The following TTC39B variants were observed in gnomAD, a reference collection of about 807,000 sequenced individuals.
TTC39B encodes the protein tetratricopeptide repeat domain 39B.
Under a neutral mutation model 96.6 loss-of-function variants are expected in TTC39B, and 92 were observed. The observed-to-expected ratio is 0.95, with a 90% confidence interval of 0.80 to 1.13. The LOEUF (loss-of-function observed/expected upper bound fraction) is 1.13, where lower values mean the gene tolerates loss of function less well. TTC39B is among the 50% of genes most tolerant of loss of function. TTC39B has a pLI of 0.00. For synonymous variants in TTC39B, 367 were observed against 299.4 expected (o/e 1.23, Z -2.33); for missense variants, 955 against 809.3 (o/e 1.18, Z -2.18).
At chr9:15,260,195 C>T (rs938934289) in intron 2 of TTC39B, among the ~76,000 whole-genome samples, 1 of 151,678 alleles carries the variant, frequency 6.6e-6, no homozygotes, top group Non-Finnish European at 1.5e-5. Context: ...GAAATATACA[C>T]ATTTCCTTAC....
At chr9:15,189,892 G>C in intron 11 of TTC39B, 100 bp from the exon 12 acceptor site, 1 of 748,476 alleles carries the variant, frequency 1.3e-6, no homozygotes, top group Non-Finnish European at 2.3e-6. Context: ...ACCTACTCAT[G>C]GAAAAGATGA....
intron 2 of TTC39B, among the ~76,000 whole-genome samples, chr9:15,235,048 A>ATAAATAAAT (rs749210643): frequency 0.02 from 3,026 of 151,048 alleles, 59 homozygotes; most frequent in South Asian, 0.04. Context: ...TAAATAAAAC[A>ATAAATAAAT]AAAACAAAAC....
chr9:15,177,868 T>TA, intron 17 of TTC39B, 54 bp from the exon 18 acceptor site: 182 of 817,902 alleles, frequency 2.2e-4, no homozygotes, highest in Non-Finnish European at 3.1e-4. Context: ...CTTTTTAAGA[T>TA]CTTTTTTTTT....
chr9:15,164,094 G>C (rs912449003), exon 20 of TTC39B: 2 of 152,088 alleles, frequency 1.3e-5, no homozygotes, highest in African/African-American at 2.4e-5. Flanking sequence ...TCTAGTACCA[G>C]ATCCAATGCC....
At chr9:15,203,760 T>A (rs1819680351) in intron 7 of TTC39B, 63 bp downstream of exon 7, 2 of 1,372,796 alleles carry the variant, frequency 1.5e-6, no homozygotes, top group African/African-American at 2.9e-5. Flanking sequence ...ATGCACCACA[T>A]TTTTCTATGC....
intron 1 of TTC39B, among the ~76,000 whole-genome samples, chr9:15,302,887 T>G (rs1824645580): frequency 6.8e-6 from 1 of 147,222 alleles, no homozygotes; most frequent in Admixed American, 6.7e-5. Context: ...TATGAACATT[T>G]GGCCGGGCGC....
intron 1 of TTC39B, among the ~76,000 whole-genome samples, chr9:15,270,523 G>C (rs1823305206): frequency 6.6e-6 from 1 of 151,454 alleles, no homozygotes; most frequent in Non-Finnish European, 1.5e-5. Context: ...GCGACGCAAA[G>C]GATAACTTGG....
At chr9:15,285,932 C>T (rs191246914) in intron 1 of TTC39B, among the ~76,000 whole-genome samples, 2 of 152,290 alleles carry the variant, frequency 1.3e-5, no homozygotes, top group Admixed American at 1.3e-4. Context: ...GCCCCATCTG[C>T]TTATAATCTG....
At chr9:15,266,421 G>C (rs1160160451) in intron 2 of TTC39B, among the ~76,000 whole-genome samples, 1 of 151,980 alleles carries the variant, frequency 6.6e-6, no homozygotes, top group African/African-American at 2.4e-5. Context: ...TCTGAAAAAA[G>C]CTAAGAGACA....
chr9:15,214,091 C>G (rs756183440), intron 4 of TTC39B, 48 bp downstream of exon 4: 36 of 1,391,250 alleles, frequency 2.6e-5, no homozygotes, highest in Admixed American at 8.7e-5. Context: ...AAAGAATCAT[C>G]AGAAACATCT....
At chr9:15,224,266 G>A (rs935283120) in intron 3 of TTC39B, 1 of 152,392 alleles carries the variant, frequency 6.6e-6, no homozygotes, top group Non-Finnish European at 1.5e-5. Context: ...GAAATGCAAA[G>A]GATACTTTTC....
At chr9:15,265,835 AG>A (rs1823110659) in intron 2 of TTC39B, among the ~76,000 whole-genome samples, 2 of 152,104 alleles carry the variant, frequency 1.3e-5, no homozygotes, top group South Asian at 4.1e-4. Context: ...TCAAATCATG[AG>A]GGGGGAAAAA....
At chr9:15,178,974 C>G (rs1426563863) in intron 17 of TTC39B, among the ~76,000 whole-genome samples, 1 of 152,176 alleles carries the variant, frequency 6.6e-6, no homozygotes, top group Non-Finnish European at 1.5e-5. Flanking sequence ...TAAGATTTAA[C>G]AAAACGGTTC....
intron 4 of TTC39B, 135 bp downstream of exon 4, chr9:15,214,004 A>C (rs903387256): frequency 1.1e-5 from 6 of 560,670 alleles, no homozygotes; most frequent in Non-Finnish European, 1.8e-5. Context: ...AAAGTGACCA[A>C]AGTAAAGAGG....
chr9:15,186,697 G>T, intron 15 of TTC39B: 1 of 350,162 alleles, frequency 2.9e-6, no homozygotes, highest in Non-Finnish European at 5.2e-6. Flanking sequence ...TAATATACAT[G>T]GTTTTTTTTT....
intron 1 of TTC39B, among the ~76,000 whole-genome samples, chr9:15,304,031 CT>C (rs1308567629): frequency 6.6e-5 from 10 of 152,128 alleles, no homozygotes; most frequent in Non-Finnish European, 2.9e-5. Flanking sequence ...TATTGGTGAG[CT>C]GAATAATCTT....
Position 15,210,210 on chromosome 9 carries a change from AT to A in TTC39B, c.615-47del, listed in dbSNP as rs776506011. On this transcript the variant is annotated intron_variant, in intron 5 of 19. Coordinates refer to ENST00000512701, the Ensembl canonical transcript of TTC39B. ...GGGAGATAGAAAATAGAAAAAAAAA[AT>A]CAGGCTGAGCTCATTTTCATTTGAC... The A allele has an allele frequency of 3.8e-6, 5 of 1,322,646 alleles. No homozygotes were observed. The South Asian group carries it at 6.4e-5, about 17-fold the overall frequency. 81.9% of individuals were successfully genotyped at this position (1,322,646 alleles called of 1,614,324 possible). A position where few individuals can be genotyped will look rare whatever the true frequency, so the allele number is the denominator to read the frequency against.
intron 2 of TTC39B, among the ~76,000 whole-genome samples, chr9:15,238,406 C>T (rs927208099): frequency 1.1e-4 from 17 of 152,280 alleles, no homozygotes; most frequent in African/African-American, 3.9e-4. Flanking sequence ...GAAGACTCCT[C>T]CAAAAGACTC....
At position 15,234,264 on chromosome 9, in the gene TTC39B, G is replaced by A. The variant is rs567724572; in HGVS notation, c.276-8252C>T. ...GCCACCCCGTCCGGGAGGGAGGTGG[G>A]GGTCAGCCCCCGCCAGGCCAGCCGC... On this transcript the variant is annotated intron_variant, in intron 2 of 19. Coordinates refer to ENST00000512701, the Ensembl canonical transcript of TTC39B. 4.2e-3 allele frequency among the ~76,000 whole-genome samples: 631 copies of A among 150,620 alleles called. 4 individuals are homozygous for A. The highest frequency in any genetic ancestry group is 0.014 in the African/African-American group (578 of 40,904).
Sources: allele counts gnomAD v4.1 joint callset (sites outside exome capture counted in the v4.1 genomes callset), GRCh38; gene constraint gnomAD v4.1.1; transcripts MANE v1.5; gene names NCBI Gene and HGNC (gene_info 2026-07-23, HGNC 2026-07-21).